Variants in ERC2 observed in about 807,000 individuals in gnomAD.
ERC2 encodes the protein ELKS/RAB6-interacting/CAST family member 2, also known as ERC protein 2.
Under a neutral mutation model 114.8 loss-of-function variants are expected in ERC2, and 42 were observed. The ratio of observed to expected loss-of-function variants is 0.37; its 90% CI spans 0.29 to 0.47. The LOEUF is 0.47. ERC2 is among the 20% of genes least tolerant of loss of function. The probability of loss-of-function intolerance (pLI) is 0.99; values close to 1 mark genes in which losing one functional copy is unlikely to be tolerated. For synonymous variants in ERC2, 454 were observed against 425.5 expected, an observed-to-expected ratio of 1.07 and a Z score of -0.82; for missense variants, 939 against 1,150.7, an observed-to-expected ratio of 0.82 and a Z score of 2.66.
chr3:55,758,388 A>G (rs1448404459), intron 14 of ERC2, among the ~76,000 whole-genome samples: 1 of 152,146 alleles, frequency 6.6e-6, no homozygotes. Context: ...AAGATCCCCC[A>G]AACTCTGCCT....
In ERC2 at chr3:56,211,509, A is replaced by G. The variant is rs560784878; in HGVS notation, c.1075-37989T>C. Among the ~76,000 whole-genome samples the G allele has an allele frequency of 1.3e-3, 192 of 152,234 alleles. 1 individual carries two copies. The highest frequency in any genetic ancestry group is 2.1e-3 in the Admixed American group (32 of 15,290). On this transcript the variant is annotated intron_variant, in intron 3 of 17. Transcript: ENST00000288221. The stretch of plus-strand genomic sequence containing the variant: ...CTCATGGATGGGTAGAATCAATATC[A>G]TGATTAATTCTACACAATAGCAATC...
chr3:55,515,219 A>C (rs934852954), intron 17 of ERC2, among the ~76,000 whole-genome samples: 1 of 152,224 alleles, frequency 6.6e-6, no homozygotes, highest in Non-Finnish European at 1.5e-5. Flanking sequence ...TTTCAGTGGA[A>C]AAAGCAGATT....
intron 14 of ERC2, among the ~76,000 whole-genome samples, chr3:55,801,965 A>T (rs2071091365): frequency 6.6e-6 from 1 of 152,170 alleles, no homozygotes; most frequent in Non-Finnish European, 1.5e-5. Flanking sequence ...CATTCCTAAC[A>T]ATTTCCTGGG....
chr3:56,428,584 T>A (rs1430974408), intron 2 of ERC2, among the ~76,000 whole-genome samples: 1 of 127,510 alleles, frequency 7.8e-6, no homozygotes, highest in Non-Finnish European at 1.7e-5. Context: ...GAGAAAAGAA[T>A]TATTTGCAGT....
At chr3:55,666,171 C>T (rs902180326) in intron 17 of ERC2, among the ~76,000 whole-genome samples, 16 of 152,158 alleles carry the variant, frequency 1.1e-4, no homozygotes, top group Admixed American at 2.6e-4. Context: ...AGCTCATCAG[C>T]GGTGGAGCGG....
chr3:55,921,695 T>C (rs952283832), intron 13 of ERC2, among the ~76,000 whole-genome samples: 2 of 152,134 alleles, frequency 1.3e-5, no homozygotes, highest in African/African-American at 4.8e-5. Flanking sequence ...ACTAGTTTTG[T>C]ATTAATAGGA....
intron 12 of ERC2, among the ~76,000 whole-genome samples, chr3:55,977,748 C>T (rs73831825): frequency 0.039 from 6,013 of 152,256 alleles, 237 homozygotes; most frequent in Middle Eastern, 0.12. Flanking sequence ...TATTCACATA[C>T]ACTTGAAATC....
At chr3:55,590,197 G>A (rs889185882) in intron 17 of ERC2, among the ~76,000 whole-genome samples, 5 of 152,128 alleles carry the variant, frequency 3.3e-5, no homozygotes, top group African/African-American at 1.2e-4. Context: ...AGTAAAAAGC[G>A]TGAGATCGTG....
chr3:56,121,967 G>A (rs1374093634), intron 6 of ERC2, among the ~76,000 whole-genome samples: 2 of 152,078 alleles, frequency 1.3e-5, no homozygotes, highest in Admixed American at 1.3e-4. Flanking sequence ...CCACTCCAGG[G>A]CAGAGACACA....
chr3:55,700,110 C>T (rs1017022466), intron 15 of ERC2, among the ~76,000 whole-genome samples: 1 of 152,188 alleles, frequency 6.6e-6, no homozygotes, highest in African/African-American at 2.4e-5. Flanking sequence ...GCAAAAGGTA[C>T]AAAGTCAATG....
At chr3:55,679,336 T>C (rs2061953711) in intron 17 of ERC2, among the ~76,000 whole-genome samples, 1 of 152,166 alleles carries the variant, frequency 6.6e-6, no homozygotes, top group Non-Finnish European at 1.5e-5. Context: ...CTCTCCCCTT[T>C]TAAGACTTGG....
chr3:56,177,333 A>G (rs1315682469), intron 3 of ERC2, among the ~76,000 whole-genome samples: 1 of 152,214 alleles, frequency 6.6e-6, no homozygotes, highest in African/African-American at 2.4e-5. Flanking sequence ...GCCCCTAACC[A>G]TCTGAGCGAT....
intron 3 of ERC2, among the ~76,000 whole-genome samples, chr3:56,250,691 A>G (rs1224183612): frequency 6.6e-6 from 1 of 152,210 alleles, no homozygotes; most frequent in Non-Finnish European, 1.5e-5. Flanking sequence ...TTCCATCAAT[A>G]AAAAGGCATA....
intron 14 of ERC2, among the ~76,000 whole-genome samples, chr3:55,844,252 T>C (rs1394369509): frequency 1.3e-5 from 2 of 152,108 alleles, no homozygotes; most frequent in Non-Finnish European, 2.9e-5. Context: ...CAAAACACAG[T>C]TAGTAGAATG....
intron 17 of ERC2, among the ~76,000 whole-genome samples, chr3:55,516,090 C>T (rs1559582917): frequency 6.6e-6 from 1 of 152,182 alleles, no homozygotes; most frequent in Non-Finnish European, 1.5e-5. Context: ...TAACACGCTG[C>T]ACGTGGTGCC....
chr3:55,634,322 A>T (rs2059871745), intron 17 of ERC2, among the ~76,000 whole-genome samples: 1 of 152,176 alleles, frequency 6.6e-6, no homozygotes, highest in African/African-American at 2.4e-5. Context: ...GCTACTTGGG[A>T]TGTATGTAAA....
chr3:55,861,030 G>A (rs1027675522), intron 14 of ERC2, among the ~76,000 whole-genome samples: 1 of 152,136 alleles, frequency 6.6e-6, no homozygotes, highest in African/African-American at 2.4e-5. Context: ...GAAAGGTAGG[G>A]GTTTGCTGTA....
intron 17 of ERC2, among the ~76,000 whole-genome samples, chr3:55,603,315 C>G (rs1379919664): frequency 6.6e-6 from 1 of 152,194 alleles, no homozygotes; most frequent in Non-Finnish European, 1.5e-5. Flanking sequence ...TGCCCTTGTT[C>G]TTGGATCCAG....
intron 14 of ERC2, among the ~76,000 whole-genome samples, chr3:55,780,454 G>T (rs2068948054): frequency 1.3e-5 from 2 of 151,940 alleles, no homozygotes; most frequent in African/African-American, 2.4e-5. Context: ...ATAGCTAATA[G>T]GTGTACCAAA....
Sources: gnomAD v4.1 joint callset for allele counts (sites outside exome capture counted in the v4.1 genomes callset) on GRCh38, gnomAD v4.1.1 for gene constraint, MANE v1.5 for transcripts, NCBI Gene and HGNC (gene_info 2026-07-23, HGNC 2026-07-21) for gene names.